SLC24A2: variants seen among roughly 807,000 people sequenced by gnomAD.
The protein encoded by SLC24A2 is solute carrier family 24 member 2.
A neutral mutation model predicts 62.0 loss-of-function variants in SLC24A2; 36 were observed. The observed-to-expected ratio is 0.58, with a 90% CI of 0.44 to 0.77. The LOEUF is 0.77. Ranked by LOEUF, SLC24A2 falls within the 30% of genes least tolerant of loss-of-function variation. SLC24A2 has a pLI of 0.00. For synonymous variants in SLC24A2, 358 were observed against 294.0 expected (o/e 1.22, Z -2.23); for missense variants, 846 against 817.9 (o/e 1.03, Z -0.42).
chr9:19,879,446 G>C, the SLC24A2 span, among the ~76,000 whole-genome samples: 2 of 152,162 alleles, frequency 1.3e-5, no homozygotes, highest in South Asian at 4.1e-4. Context: ...ACCTGGTGTA[G>C]TCATTATTAC....
the SLC24A2 span, among the ~76,000 whole-genome samples, chr9:19,911,172 GT>G: frequency 4.7e-5 from 7 of 148,936 alleles, no homozygotes; most frequent in Non-Finnish European, 1.0e-4. Context: ...GCGGTGTTTA[GT>G]TTTTTGTCCT....
chr9:19,906,623 C>T, the SLC24A2 span, among the ~76,000 whole-genome samples: 1 of 151,894 alleles, frequency 6.6e-6, no homozygotes, highest in South Asian at 2.1e-4. Context: ...CAAATAGACG[C>T]AATAAAAAAT....
the SLC24A2 span, among the ~76,000 whole-genome samples, chr9:19,875,405 G>A: frequency 6.6e-6 from 1 of 152,192 alleles, no homozygotes; most frequent in Non-Finnish European, 1.5e-5. Context: ...AGTTCAAGAT[G>A]GTTGGCAGAG....
At chr9:19,818,522 A>C in the SLC24A2 span, among the ~76,000 whole-genome samples, 2 of 152,190 alleles carry the variant, frequency 1.3e-5, no homozygotes, top group African/African-American at 4.8e-5. Context: ...ATACAAGATT[A>C]ATGTACACAA....
the SLC24A2 span, among the ~76,000 whole-genome samples, chr9:20,208,346 G>A: frequency 6.6e-6 from 1 of 152,206 alleles, no homozygotes; most frequent in Non-Finnish European, 1.5e-5. Flanking sequence ...GGCTCGCATA[G>A]CACGGCGAAG....
In SLC24A2 at chr9:19,544,231, C is replaced by T. The variant is rs189790441; in HGVS notation, c.1479+5906G>A. Among the ~76,000 whole-genome samples the T allele has an allele frequency of 3.4e-4, 49 of 145,334 alleles. No homozygotes were observed. The East Asian group carries it at 3.6e-3, about 11-fold the overall frequency. ...TTTGTTGGTTTAAAGTCTGTTTTGTCGGAGACTAGGATTGCAACCCCTGCT... is the reference window on the plus strand; with the variant it reads ...TTTGTTGGTTTAAAGTCTGTTTTGTTGGAGACTAGGATTGCAACCCCTGCT... On this transcript the variant is annotated intron_variant, in intron 8 of 10. Transcript: ENST00000341998.
intron 9 of SLC24A2, among the ~76,000 whole-genome samples, chr9:19,524,229 C>T (rs192657415): frequency 1.3e-5 from 2 of 150,634 alleles, no homozygotes; most frequent in East Asian, 2.0e-4. Flanking sequence ...AGTTCTGTGC[C>T]TTGGTTTAAG....
At chr9:20,103,610 A>G in the SLC24A2 span, among the ~76,000 whole-genome samples, 1 of 152,204 alleles carries the variant, frequency 6.6e-6, no homozygotes, top group East Asian at 1.9e-4. Flanking sequence ...GACCTCCAGC[A>G]AACTCCAAGA....
At chr9:19,560,912 TATATAGAGAGAGAG>T (rs141863126) in intron 7 of SLC24A2, among the ~76,000 whole-genome samples, 114 of 50,146 alleles carry the variant, frequency 2.3e-3, no homozygotes, top group African/African-American at 8.3e-3. Flanking sequence ...TATATATATA[TATATAGAGAGAGAG>T]AGAGAGAGAG....
At position 19,512,850 on chromosome 9, in the gene SLC24A2, G is replaced by A. The variant is rs1464400355; in HGVS notation, c.*3303C>T. On this transcript the variant is annotated 3_prime_UTR_variant, in exon 11 of 11. Coordinates refer to ENST00000341998, the MANE Select transcript of SLC24A2 (RefSeq NM_020344.4). ...AAATTTTTGCTTTGTATTTTCTGTT[G>A]TGTATTCTTTGCCTCTATATCAGCA... The A allele has an allele frequency of 6.6e-6, 1 of 152,006 alleles. No individual in the cohort carries two copies. Among genetic ancestry groups the A allele is most frequent in the Non-Finnish European group, 1.5e-5 (1 of 67,996 alleles). The allele number at this position is 152,006 out of a possible 1,614,324, so 9.4% of individuals were successfully genotyped here. A position where few individuals can be genotyped will look rare whatever the true frequency, so the allele number is the denominator to read the frequency against.
chr9:19,791,487 T>A (rs529763490), upstream of SLC24A2, among the ~76,000 whole-genome samples: 1 of 152,338 alleles, frequency 6.6e-6, no homozygotes, highest in South Asian at 2.1e-4. Context: ...GAGTGACTAC[T>A]CCTACACAGT....
At chr9:19,835,037 T>C in the SLC24A2 span, among the ~76,000 whole-genome samples, 1 of 152,206 alleles carries the variant, frequency 6.6e-6, no homozygotes, top group South Asian at 2.1e-4. Context: ...AGAGATTTTG[T>C]CACCACCAGG....
chr9:20,194,118 A>T, the SLC24A2 span, among the ~76,000 whole-genome samples: 1 of 152,098 alleles, frequency 6.6e-6, no homozygotes, highest in African/African-American at 2.4e-5. Context: ...CACTCCTTCC[A>T]TCTTTCCACT....
At chr9:19,572,259 CA>C (rs34529143) in intron 7 of SLC24A2, among the ~76,000 whole-genome samples, 3,193 of 69,652 alleles carry the variant, frequency 0.046, 80 homozygotes, top group East Asian at 0.31. Flanking sequence ...GAGTCCGTCT[CA>C]AAAAAAAAAA....
In SLC24A2 at chr9:19,547,173, A is replaced by G. The variant is rs547487395; in HGVS notation, c.1479+2964T>C. On this transcript the variant is annotated intron_variant, in intron 8 of 10. Transcript: ENST00000341998. ...CAATAAATATTTGTGAAGGAAGTTGAAAAAAACCAAAGTGTTCTTCCTAAG... is the reference window on the plus strand; with the variant it reads ...CAATAAATATTTGTGAAGGAAGTTGGAAAAAACCAAAGTGTTCTTCCTAAG... Among the ~76,000 whole-genome samples, 185 of 152,306 alleles carry G rather than the reference A, an allele frequency of 1.2e-3. 1 individual carries two copies. The highest frequency in any genetic ancestry group is 4.1e-3 in the African/African-American group (171 of 41,562).
the SLC24A2 span, among the ~76,000 whole-genome samples, chr9:20,202,050 G>GGTGTGTGTGTGTGTGT: frequency 2.5e-4 from 36 of 141,782 alleles, no homozygotes; most frequent in Admixed American, 1.8e-3. Flanking sequence ...CCCATTTCAT[G>GGTGTGTGTGTGTGTGT]GTGTGTGTGT....
the SLC24A2 span, among the ~76,000 whole-genome samples, chr9:20,085,112 C>G: frequency 6.6e-6 from 1 of 152,184 alleles, no homozygotes; most frequent in Admixed American, 6.5e-5. Context: ...ACTCCCACCT[C>G]AGCCTCCAGA....
the SLC24A2 span, among the ~76,000 whole-genome samples, chr9:20,169,259 G>T: frequency 6.6e-6 from 1 of 152,058 alleles, no homozygotes; most frequent in East Asian, 1.9e-4. Context: ...TTGGAGTATA[G>T]ATTTAAGAGG....
At chr9:19,758,215 A>C (rs1822205030) in intron 2 of SLC24A2, among the ~76,000 whole-genome samples, 1 of 152,210 alleles carries the variant, frequency 6.6e-6, no homozygotes, top group African/African-American at 2.4e-5. Context: ...TTTATAGAAC[A>C]TTAAAGAAAA....
Sources: gnomAD v4.1 joint callset for allele counts (sites outside exome capture counted in the v4.1 genomes callset) on GRCh38, gnomAD v4.1.1 for gene constraint, MANE v1.5 for transcripts, NCBI Gene and HGNC (gene_info 2026-07-23, HGNC 2026-07-21) for gene names.